LAMA4: variants seen among roughly 807,000 people sequenced by gnomAD.
LAMA4 encodes the protein laminin subunit alpha-4.
In LAMA4, 127 loss-of-function variants were observed where a neutral mutation model predicts 207.1. The ratio of observed to expected loss-of-function variants is 0.61; its 90% CI spans 0.53 to 0.71. LAMA4 has a LOEUF of 0.71. LAMA4 is among the 30% of genes least tolerant of loss of function. LAMA4 has a pLI of 0.00. For missense variants in LAMA4, 2,093 were observed against 2,246.5 expected (o/e 0.93, Z 1.38); for synonymous variants, 761 against 816.0 (o/e 0.93, Z 1.15).
At chr6:112,159,332 A>ACTTAG (rs10637197) in intron 13 of LAMA4, 2 of 179,306 alleles carry the variant, frequency 1.1e-5, no homozygotes, top group Non-Finnish European at 2.3e-5. Flanking sequence ...AGAGAAGTTA[A>ACTTAG]TTACATCTAA....
chr6:112,219,076 G>C (rs1554359669), intron 2 of LAMA4: 1 of 152,122 alleles, frequency 6.6e-6, no homozygotes. Flanking sequence ...GTTTCCTTTA[G>C]GTGGAAATAT....
intron 28 of LAMA4, 141 bp from the exon 29 acceptor site, chr6:112,131,242 C>T: frequency 1.3e-6 from 1 of 764,328 alleles, no homozygotes; most frequent in South Asian, 1.5e-5. Context: ...CTATAAATAA[C>T]AACCAAGAAT....
intron 3 of LAMA4, 28 bp from the exon 4 acceptor site, chr6:112,207,173 C>T (rs1784105928): frequency 6.2e-7 from 1 of 1,613,048 alleles, no homozygotes; most frequent in Non-Finnish European, 8.5e-7. Flanking sequence ...AGAAGATTGA[C>T]AAGGATGCGA....
chr6:112,253,484 C>T (rs1787609425), intron 2 of LAMA4: 1 of 402,558 alleles, frequency 2.5e-6, no homozygotes, highest in Admixed American at 3.7e-5. Flanking sequence ...TCACTCACCC[C>T]CTCACCTTCC....
At chr6:112,149,707 A>G (rs1420413380) in intron 17 of LAMA4, among the ~76,000 whole-genome samples, 2 of 152,192 alleles carry the variant, frequency 1.3e-5, no homozygotes, top group African/African-American at 4.8e-5. Flanking sequence ...GGACTAATAC[A>G]GCTATGTTGA....
In LAMA4 at chr6:112,154,890, G is replaced by A. The variant is rs1780613184; in HGVS notation, c.2017C>T (p.Leu673Phe). 1.2e-6 allele frequency: 2 copies of A among 1,613,236 alleles called. No individual in the cohort carries two copies. Among genetic ancestry groups the A allele is most frequent in the African/African-American group, 1.3e-5 (1 of 74,900 alleles). The change falls in exon 16 of 39, where the codon CTC becomes TTC. Residue 673 changes from leucine to phenylalanine, a missense_variant. Physicochemically the swap from Leu to Phe is conservative, Grantham distance 22 (BLOSUM62 0). Around this residue, in one of 3 missense-constraint regions of LAMA4, gnomAD observed 1,704 missense variants for 1,788.4 expected, o/e 0.95. Coordinates refer to ENST00000230538, the MANE Select transcript of LAMA4 (RefSeq NM_001105206.3). ...GCTTGCAGTTCTCTGGCTTGATTGA[G>A]GAGGTTCTCACTTTCATCTTTATGG... ...IYHKDESENL[L>F]NQARELQAKA...
At position 112,142,180 on chromosome 6, in the gene LAMA4, A is replaced by G; in HGVS notation, c.2606T>C (p.Val869Ala). 6.2e-7 allele frequency: 1 copy of G among 1,614,136 alleles called. No homozygotes were observed. Among genetic ancestry groups the G allele is most frequent in the Middle Eastern group, 1.6e-4 (1 of 6,062 alleles). Residue 869 changes from valine to alanine, a missense_variant, in exon 20 of 39, where the codon GTG becomes GCG. This residue lies in a region of LAMA4 where 1,704 missense variants were observed against 1,788.4 expected (regional missense o/e 0.95). Coordinates refer to ENST00000230538, the MANE Select transcript of LAMA4 (RefSeq NM_001105206.3). ...AGTCTCGGTCAGTTCCGGCCGCTTC[A>G]CAGGGGGTTTCATGTACAGGCTCAG... is the stretch of plus-strand genomic sequence containing the variant. ...TSLSLYMKPP[V>A]KRPELTETAD...
At chr6:112,126,264 C>G (rs1214633689) in intron 31 of LAMA4, among the ~76,000 whole-genome samples, 1 of 152,088 alleles carries the variant, frequency 6.6e-6, no homozygotes, top group Non-Finnish European at 1.5e-5. Flanking sequence ...CCTCATCAGC[C>G]TGTAATGTTA....
rs782507152 is a variant in LAMA4, at chr6:112,172,762, G to A, written c.1400C>T (p.Thr467Ile). 2 of 1,614,042 alleles carry A rather than the reference G, an allele frequency of 1.2e-6. No homozygotes were observed. Among genetic ancestry groups the A allele is most frequent in the Admixed American group, 1.7e-5 (1 of 60,020 alleles). Residue 467 changes from threonine (T) to isoleucine (I), a missense_variant, in exon 12 of 39, where the codon ACC becomes ATC. Thr to Ile is a moderately conservative substitution (Grantham distance 89). Transcript: ENST00000230538. The stretch of plus-strand genomic sequence containing the variant: ...CAGGACGACAGGAAACAGAGTGCGG[G>A]TCTCATTGTGCAGCCGCTGCCAGCT... ...AESWQRLHNE[T>I]RTLFPVVLEQ...
At chr6:112,193,418 G>A (rs548272810) in intron 5 of LAMA4, among the ~76,000 whole-genome samples, 30 of 151,840 alleles carry the variant, frequency 2.0e-4, no homozygotes, top group Non-Finnish European at 4.0e-4. Context: ...TTTTTTTAAA[G>A]GATTCCCTTT....
chr6:112,251,837 A>G (rs1335624556), intron 2 of LAMA4, among the ~76,000 whole-genome samples: 1 of 152,210 alleles, frequency 6.6e-6, no homozygotes, highest in Non-Finnish European at 1.5e-5. Flanking sequence ...GGAATGACTA[A>G]TATCTTCTTT....
chr6:112,172,160 CTT>C (rs141240098), intron 12 of LAMA4: 4,905 of 208,524 alleles, frequency 0.024, 243 homozygotes, highest in African/African-American at 0.11. Context: ...TCACCTTCCT[CTT>C]TGCATTTGCA....
rs1554329583 is a variant in LAMA4 at position 112,131,032 on chromosome 6, A to G, written c.3904T>C (p.Ser1302Pro). ...CCATCATTGTACTGCTTATCTACTG[A>G]CTGAACTTTGATTCCCTTTACATCC... ...IMDVKGIKVQ[S>P]VDKQYNDGLS... is the part of the protein sequence containing the mutation. Residue 1302 changes from serine to proline, a missense_variant, in exon 29 of 39, where the codon TCA (serine) becomes CCA (proline). Transcript: ENST00000230538. 3 of 1,613,018 alleles carry G rather than the reference A, an allele frequency of 1.9e-6. No homozygotes were observed. Among genetic ancestry groups the G allele is most frequent in the South Asian group, 1.1e-5 (1 of 91,050 alleles).
At position 112,175,313 on chromosome 6, in the gene LAMA4, G is replaced by A; in HGVS notation, c.1357C>T (p.Leu453=). The A allele has an allele frequency of 6.2e-6, 10 of 1,613,824 alleles. No homozygotes were observed. The highest frequency in any genetic ancestry group is 8.5e-6 in the Non-Finnish European group (10 of 1,179,828). The change falls in exon 11 of 39, where the codon CTA becomes TTA. Residue 453 remains leucine, a splice_region_variant and synonymous_variant. Transcript: ENST00000230538. ...TCAGCTATGAGAGGAATACACCTAC[G>A]TTCGTAAGCCTCATCTGCCTCCTCA... ...VDEEADEAYE[L]LSQAESWQRL...
chr6:112,157,712 A>C lies in LAMA4; in HGVS notation c.1817+1020T>G, dbSNP rs76047143. ...ACAAAATGACAAAAGAATAATGAAG[A>C]GAGCCATAAGATGGATCTCAAAAAC... On this transcript the variant is annotated intron_variant, in intron 14 of 38. Transcript: ENST00000230538. Among the ~76,000 whole-genome samples, 1,289 of 152,328 alleles carry C rather than the reference A, an allele frequency of 8.5e-3. 22 individuals carry two copies. The highest frequency in any genetic ancestry group is 0.029 in the African/African-American group (1,213 of 41,560).
At chr6:112,167,849 CACACACACACA>C (rs1562686235) in intron 12 of LAMA4, among the ~76,000 whole-genome samples, 15 of 31,210 alleles carry the variant, frequency 4.8e-4, no homozygotes, top group Non-Finnish European at 1.8e-4. Flanking sequence ...ATCACACACA[CACACACACACA>C]CACACACACA....
At chr6:112,172,899 TG>T (rs1417547758) in intron 11 of LAMA4, 95 bp from the exon 12 acceptor site, 2 of 922,380 alleles carry the variant, frequency 2.2e-6, no homozygotes, top group Non-Finnish European at 1.7e-6. Context: ...TCTCAGGCCA[TG>T]CCTTCTTTAG....
intron 19 of LAMA4, 91 bp from the exon 20 acceptor site, chr6:112,142,383 A>C (rs1779753215): frequency 1.7e-6 from 2 of 1,168,868 alleles, no homozygotes; most frequent in Non-Finnish European, 1.3e-6. Context: ...AGGGGCCTAT[A>C]AACTCTCTTC....
chr6:112,198,855 C>G (rs2157546), intron 5 of LAMA4, among the ~76,000 whole-genome samples: 58,543 of 151,872 alleles, frequency 0.39, 11,570 homozygotes, highest in African/African-American at 0.43. Flanking sequence ...GTCCCACACT[C>G]AAAACTTTGC....
Sources: gnomAD v4.1 joint callset for allele counts (sites outside exome capture counted in the v4.1 genomes callset) on GRCh38, gnomAD v4.1.1 for gene constraint, gnomAD v4.1.1 regional missense constraint, MANE v1.5 for transcripts, NCBI Gene and HGNC (gene_info 2026-07-23, HGNC 2026-07-21) for gene names.